The following ZNF486 variants were observed in gnomAD, a reference collection of about 807,000 sequenced individuals.
ZNF486 encodes zinc finger protein 486.
Under a neutral mutation model 12.8 loss-of-function variants are expected in ZNF486, and 12 were observed. The observed-to-expected ratio is 0.94, with a 90% CI of 0.60 to 1.52. The LOEUF (loss-of-function observed/expected upper bound fraction) is 1.52, where lower values mean the gene tolerates loss of function less well. Ranked by LOEUF, ZNF486 falls within the 40% of genes most tolerant of loss-of-function variation. The pLI, the probability that ZNF486 is intolerant of heterozygous loss-of-function variation, is 0.00. For synonymous variants in ZNF486, 231 were observed against 184.9 expected, an observed-to-expected ratio of 1.25 and a Z score of -2.02; for missense variants, 738 against 545.0, an observed-to-expected ratio of 1.35 and a Z score of -3.53.
intron 3 of ZNF486, among the ~76,000 whole-genome samples, chr19:20,186,295 T>G (rs1471496804): frequency 2.0e-5 from 3 of 152,224 alleles, no homozygotes; most frequent in Non-Finnish European, 4.4e-5. Context: ...GATTCTACTA[T>G]TCTTTCGGTG....
chr19:20,184,347 G>C lies in ZNF486; in HGVS notation c.31-9G>C. ...TTGGTGAAAATGTGTGTGTGTGTGT[G>C]TTTTTCAGGAATCATTGCAATTTAG... On this transcript the variant is annotated splice_polypyrimidine_tract_variant and intron_variant, in intron 1 of 3. Transcript: ENST00000335117. 6.2e-7 allele frequency: 1 copy of C among 1,609,456 alleles called. No homozygotes were observed. The highest frequency in any genetic ancestry group is 8.5e-7 in the Non-Finnish European group (1 of 1,177,174).
intron 3 of ZNF486, among the ~76,000 whole-genome samples, chr19:20,187,144 C>T (rs2089856671): frequency 6.6e-6 from 1 of 151,824 alleles, no homozygotes; most frequent in Admixed American, 6.6e-5. Flanking sequence ...AAGTTTATTA[C>T]TTAATGCTAT....
chr19:20,171,930 C>A (rs1414964514), intron 1 of ZNF486, among the ~76,000 whole-genome samples: 1 of 151,620 alleles, frequency 6.6e-6, no homozygotes, highest in African/African-American at 2.4e-5. Context: ...TTCATGTGTT[C>A]TTATTATTTA....
chr19:20,192,993 TTTAC>T (rs1393569153), intron 3 of ZNF486, among the ~76,000 whole-genome samples: 2 of 151,984 alleles, frequency 1.3e-5, no homozygotes, highest in Non-Finnish European at 2.9e-5. Context: ...CATCTCCTGT[TTTAC>T]TTTCTTAATT....
intron 1 of ZNF486, among the ~76,000 whole-genome samples, chr19:20,173,826 C>T (rs1401707234): frequency 2.0e-5 from 3 of 149,974 alleles, no homozygotes; most frequent in South Asian, 2.1e-4. Context: ...AGCGAGACTC[C>T]GTCTCAAAAA....
chr19:20,174,669 G>C (rs1324605373), intron 1 of ZNF486, among the ~76,000 whole-genome samples: 1 of 152,148 alleles, frequency 6.6e-6, no homozygotes, highest in Non-Finnish European at 1.5e-5. Flanking sequence ...GATTACAGGT[G>C]TGAGCCATAA....
At chr19:20,196,018 C>T (rs1221519109) in intron 3 of ZNF486, among the ~76,000 whole-genome samples, 8 of 152,162 alleles carry the variant, frequency 5.3e-5, no homozygotes, top group Admixed American at 2.0e-4. Flanking sequence ...TGGCAATTTA[C>T]ATTTTTGTGT....
intron 3 of ZNF486, among the ~76,000 whole-genome samples, chr19:20,187,325 T>A (rs1486746077): frequency 3.9e-5 from 6 of 152,080 alleles, no homozygotes; most frequent in African/African-American, 1.4e-4. Context: ...GATTATACGA[T>A]CTACAAACAG....
chr19:20,198,656 G>C lies in ZNF486; in HGVS notation c.*554G>C, dbSNP rs776257544. ...TCCTGCCTCAGCCTCCCAAGTAGCT[G>C]GGATTACAGGTGCCACCACCATTCC... On this transcript the variant is annotated 3_prime_UTR_variant, in exon 4 of 4. Transcript: ENST00000335117. The C allele has an allele frequency of 6.5e-6, 1 of 153,836 alleles. No homozygotes were observed. The highest frequency in any genetic ancestry group is 1.4e-5 in the Non-Finnish European group (1 of 69,336). 9.5% of individuals were successfully genotyped at this position (153,836 alleles called of 1,614,324 possible).
chr19:20,178,692 G>C (rs2089750838), intron 1 of ZNF486, among the ~76,000 whole-genome samples: 1 of 152,206 alleles, frequency 6.6e-6, no homozygotes, highest in African/African-American at 2.4e-5. Flanking sequence ...AGTGCATGCT[G>C]TCCCCTAAAT....
rs147981442 is a variant in ZNF486 at position 20,169,472 on chromosome 19, C to G, written c.30+2112C>G. On this transcript the variant is annotated intron_variant, in intron 1 of 3. Transcript: ENST00000335117. ...GGAGCCTCGCCTGCAGATGTCCCAG[C>G]CTGCTCACCCCACCCATGGAAGGAG... Among the ~76,000 whole-genome samples the G allele has an allele frequency of 1.5e-3, 226 of 152,236 alleles. 1 individual carries two copies. Among genetic ancestry groups the G allele is most frequent in the African/African-American group, 5.2e-3 (218 of 41,528 alleles).
intron 1 of ZNF486, among the ~76,000 whole-genome samples, chr19:20,170,959 A>C (rs757281574): frequency 4.6e-5 from 7 of 152,190 alleles, no homozygotes; most frequent in Non-Finnish European, 7.4e-5. Flanking sequence ...AGGTTTCAGG[A>C]GTCCCGAGTT....
At chr19:20,177,881 G>C (rs577438875) in intron 1 of ZNF486, among the ~76,000 whole-genome samples, 1 of 149,184 alleles carries the variant, frequency 6.7e-6, no homozygotes, top group Admixed American at 6.7e-5. Context: ...CAGCCAAAAC[G>C]TTTTCTTTCT....
chr19:20,193,186 A>G (rs1171971412), intron 3 of ZNF486, among the ~76,000 whole-genome samples: 1 of 152,098 alleles, frequency 6.6e-6, no homozygotes, highest in Admixed American at 6.5e-5. Flanking sequence ...TCTATATTTT[A>G]TGGTTTGTTA....
intron 1 of ZNF486, among the ~76,000 whole-genome samples, chr19:20,180,251 C>CT (rs1253990025): frequency 6.6e-6 from 1 of 152,146 alleles, no homozygotes; most frequent in African/African-American, 2.4e-5. Flanking sequence ...CAAGAGGTGC[C>CT]TTTTTTGGTA....
intron 1 of ZNF486, among the ~76,000 whole-genome samples, chr19:20,181,197 C>G (rs943859237): frequency 6.6e-6 from 1 of 152,154 alleles, no homozygotes; most frequent in African/African-American, 2.4e-5. Context: ...AATCCTGCTG[C>G]CTTTCTAGAG....
chr19:20,187,487 A>C (rs1392678717), intron 3 of ZNF486, among the ~76,000 whole-genome samples: 1 of 150,946 alleles, frequency 6.6e-6, no homozygotes, highest in African/African-American at 2.4e-5. Context: ...TGATGGAGCA[A>C]ACACCTCTTC....
At chr19:20,168,057 G>C (rs569820144) in intron 1 of ZNF486, among the ~76,000 whole-genome samples, 8 of 151,194 alleles carry the variant, frequency 5.3e-5, no homozygotes, top group Admixed American at 2.0e-4. Flanking sequence ...CAAAAACTAC[G>C]TTGGGGTTAA....
chr19:20,168,266 CGA>C (rs1311977527), intron 1 of ZNF486, among the ~76,000 whole-genome samples: 1 of 150,358 alleles, frequency 6.7e-6, no homozygotes, highest in Non-Finnish European at 1.5e-5. Flanking sequence ...GGCTGAGGCA[CGA>C]GAATTGGTTG....
Sources: allele counts gnomAD v4.1 joint callset (sites outside exome capture counted in the v4.1 genomes callset), GRCh38; gene constraint gnomAD v4.1.1; transcripts MANE v1.5; gene names NCBI Gene and HGNC (gene_info 2026-07-23, HGNC 2026-07-21).